DPH1: variants seen among roughly 807,000 people sequenced by gnomAD.
The protein encoded by DPH1 is 2-(3-amino-3-carboxypropyl)histidine synthase subunit 1.
A neutral mutation model predicts 55.3 loss-of-function variants in DPH1; 59 were observed. The ratio of observed to expected loss-of-function variants is 1.07; its 90% CI spans 0.87 to 1.33. DPH1 has a LOEUF of 1.33. Among genes scored for constraint, DPH1 ranks in the 40% most tolerant of loss-of-function variants. DPH1 has a pLI of 0.00. For missense variants in DPH1, 628 were observed against 584.8 expected (o/e 1.07, Z -0.76); for synonymous variants, 238 against 235.5 (o/e 1.01, Z -0.10).
At position 2,043,352 on chromosome 17, in the gene DPH1, G is replaced by A; in HGVS notation, c.*766G>A. 1 of 473,470 alleles carries A rather than the reference G, an allele frequency of 2.1e-6. No homozygotes were observed. The highest frequency in any genetic ancestry group is 3.7e-6 in the Non-Finnish European group (1 of 269,728). The allele number at this position is 473,470 out of a possible 1,614,324, so 29.3% of individuals were successfully genotyped here. On this transcript the variant is annotated 3_prime_UTR_variant, in exon 13 of 13. Transcript: ENST00000263083. ...ACATGAATATGGTTGGAGAGCCCTG[G>A]ATTAGGAGGGTGACATGGGGAAGGC...
intron 7 of DPH1, 21 bp from the exon 8 acceptor site, chr17:2,040,197 C>T (rs770015942): frequency 6.2e-7 from 1 of 1,612,782 alleles, no homozygotes; most frequent in South Asian, 1.1e-5. Context: ...GCCACAGTGA[C>T]CCTGACTGCT....
intron 10 of DPH1, 103 bp from the exon 11 acceptor site, chr17:2,041,378 G>A (rs2067520054): frequency 6.6e-7 from 1 of 1,511,992 alleles, no homozygotes; most frequent in Non-Finnish European, 8.9e-7. Context: ...TTCTGTGGCA[G>A]GGGACAGTGT....
intron 12 of DPH1, 54 bp downstream of exon 12, chr17:2,041,929 C>A: frequency 6.5e-7 from 1 of 1,533,794 alleles, no homozygotes; most frequent in Non-Finnish European, 8.7e-7. Context: ...CATGGGAACG[C>A]CTTGGCGCTC....
chr17:2,041,237 TCTGGA>T lies in DPH1; in HGVS notation c.1086+57_1086+61del. On this transcript the variant is annotated intron_variant, in intron 10 of 12. Transcript: ENST00000263083. ...TTGGACGTGGTTCTCAAAGGTGAGGTCTGGAGTGGAGTGGGGTGGGTGGGCAGCAC... is the reference window on the plus strand; with the variant it reads ...TTGGACGTGGTTCTCAAAGGTGAGGTGTGGAGTGGGGTGGGTGGGCAGCAC... 7.1e-6 allele frequency: 11 copies of T among 1,559,988 alleles called. No individual in the cohort carries two copies. In the South Asian group the frequency reaches 1.3e-4, roughly 18 times the overall value.
chr17:2,042,550 C>A, intron 12 of DPH1, 55 bp from the exon 13 acceptor site: 5 of 1,482,546 alleles, frequency 3.4e-6, no homozygotes, highest in East Asian at 2.4e-5. Flanking sequence ...TCATTTCTTT[C>A]CTTCCTGGAG....
rs148486676 is a variant in DPH1 at position 2,038,565 on chromosome 17, T to G, written c.681-1190T>G. ...CAGATCCGCCGCGGCATTAGATTCTTGTAGGAGCTCAAACCCTATCGTGAC... is the reference window on the plus strand; with the variant it reads ...CAGATCCGCCGCGGCATTAGATTCTGGTAGGAGCTCAAACCCTATCGTGAC... On this transcript the variant is annotated intron_variant, in intron 6 of 12. Coordinates refer to ENST00000263083, the MANE Select transcript of DPH1 (RefSeq NM_001383.6). Among the ~76,000 whole-genome samples the G allele has an allele frequency of 7.2e-5, 11 of 152,248 alleles. No individual in the cohort carries two copies. In the East Asian group the frequency reaches 2.1e-3, roughly 29 times the overall value.
In DPH1 at chr17:2,036,049, C is replaced by G; in HGVS notation, c.358C>G (p.Leu120Val). ...CCVDDFTARA[L>V]GADFLVHYGH... ...TGTGGATGACTTCACAGCGAGGGCCCTGGGAGCTGACTTCTTGGTGCACTA... is the reference window on the plus strand; with the variant it reads ...TGTGGATGACTTCACAGCGAGGGCCGTGGGAGCTGACTTCTTGGTGCACTA... The change falls in exon 4 of 13, where the codon CTG becomes GTG. Residue 120 changes from leucine (L) to valine (V), a missense_variant. Coordinates refer to ENST00000263083, the MANE Select transcript of DPH1 (RefSeq NM_001383.6). The surrounding 1 kb of genome is among the most constrained non-coding windows in gnomAD (Gnocchi z 4.8). 6.2e-7 allele frequency: 1 copy of G among 1,613,980 alleles called. No individual in the cohort carries two copies. The highest frequency in any genetic ancestry group is 8.5e-7 in the Non-Finnish European group (1 of 1,179,928).
intron 12 of DPH1, 165 bp from the exon 13 acceptor site, chr17:2,042,440 C>G: frequency 7.9e-7 from 1 of 1,270,494 alleles, no homozygotes; most frequent in South Asian, 1.8e-5. Flanking sequence ...CCGCTGTCTC[C>G]TGTTCAGGCC....
rs2151347006 is a variant in DPH1, at chr17:2,036,164, T to C, written c.400+73T>C. 1 of 1,582,084 alleles carries C rather than the reference T, an allele frequency of 6.3e-7. No homozygotes were observed. Among genetic ancestry groups the C allele is most frequent in the Non-Finnish European group, 8.6e-7 (1 of 1,163,622 alleles). On this transcript the variant is annotated intron_variant, in intron 4 of 12. Transcript: ENST00000263083. The surrounding 1 kb of genome is among the most constrained non-coding windows in gnomAD (Gnocchi z 4.8). ...GCAGGCTGCACATTCATCTTCCCCA[T>C]GGCAGTGCCTTCTTGTCCTGCTTGG... is the stretch of plus-strand genomic sequence containing the variant.
rs1468988719 is a variant in DPH1, at chr17:2,035,869, G to A, written c.279-101G>A. 1.0e-5 allele frequency: 16 copies of A among 1,540,550 alleles called. No individual in the cohort carries two copies. In the African/African-American group the frequency reaches 1.8e-4, roughly 17 times the overall value. Reference sequence around the variant, plus strand: ...CATCCCGAGGAACTGGGAGAGGTAGGGAGAGAGGAGCTGGGCCCTGAGACA... The same window carrying A: ...CATCCCGAGGAACTGGGAGAGGTAGAGAGAGAGGAGCTGGGCCCTGAGACA... On this transcript the variant is annotated intron_variant, in intron 3 of 12. Transcript: ENST00000263083.
chr17:2,033,655 A>C lies in DPH1; in HGVS notation c.212A>C (p.Lys71Thr), dbSNP rs1422329131. The C allele has an allele frequency of 6.2e-7, 1 of 1,614,008 alleles. No homozygotes were observed. The highest frequency in any genetic ancestry group is 1.3e-5 in the African/African-American group (1 of 75,066). ...AGGATCCAACAAGCCCAGGCCAAGA[A>C]GGGTGAGCCTGTGATCATTGAGCTG... ...IWRIQQAQAK[K>T]VALQMPEGLL... Residue 71 changes from lysine (K) to threonine (T), a missense_variant and splice_region_variant, in exon 2 of 13, where the codon AAG becomes ACG. Physicochemically the swap from Lys to Thr is moderately conservative, Grantham distance 78. Coordinates refer to ENST00000263083, the MANE Select transcript of DPH1 (RefSeq NM_001383.6).
Position 2,036,357 on chromosome 17 carries a change from A to C in DPH1, c.401-172A>C. On this transcript the variant is annotated intron_variant, in intron 4 of 12. Transcript: ENST00000263083. This position sits in a 1 kb window ranked among gnomAD's most constrained non-coding sequence, Gnocchi z 4.8. ...CTGGGCCCCGGCCGGGTGACAGAGAAGTCTGATTGAGAAGGAGCTTCTAGG... is the reference window on the plus strand; with the variant it reads ...CTGGGCCCCGGCCGGGTGACAGAGACGTCTGATTGAGAAGGAGCTTCTAGG... 9.4e-7 allele frequency: 1 copy of C among 1,064,390 alleles called. No homozygotes were observed. The highest frequency in any genetic ancestry group is 1.3e-6 in the Non-Finnish European group (1 of 743,770). The allele number at this position is 1,064,390 out of a possible 1,614,324, so 65.9% of individuals were successfully genotyped here.
chr17:2,040,096 G>C lies in DPH1; in HGVS notation c.750-122G>C, dbSNP rs112763188. 2.1e-5 allele frequency: 29 copies of C among 1,397,572 alleles called. 2 individuals carry two copies. In the African/African-American group the frequency reaches 3.7e-4, roughly 18 times the overall value. The allele number at this position is 1,397,572 out of a possible 1,614,324, so 86.6% of individuals were successfully genotyped here. ...AATGACAGTCCCCGCTCTTGCCTCTGTTCTTAATTACCTGCGTGGGGCCTA... is the reference window on the plus strand; with the variant it reads ...AATGACAGTCCCCGCTCTTGCCTCTCTTCTTAATTACCTGCGTGGGGCCTA... On this transcript the variant is annotated intron_variant, in intron 7 of 12. Transcript: ENST00000263083.
rs1224502617 is a variant in DPH1 at position 2,040,308 on chromosome 17, C to T, written c.840C>T (p.Arg280=). ...GCCAAGAAGCCATAGCCACTGCCCGCTCAGCTAAGTCCTGGGGCCTTATTC... is the reference window on the plus strand; with the variant it reads ...GCCAAGAAGCCATAGCCACTGCCCGTTCAGCTAAGTCCTGGGGCCTTATTC... ...AARQEAIATA[R]SAKSWGLILG... is the part of the protein sequence containing the mutation. Residue 280 remains arginine (R), a synonymous_variant, in exon 8 of 13, where the codon CGC becomes CGT. Transcript: ENST00000263083. 3.7e-6 allele frequency: 6 copies of T among 1,614,010 alleles called. No homozygotes were observed. The highest frequency in any genetic ancestry group is 5.1e-6 in the Non-Finnish European group (6 of 1,180,056).
At chr17:2,035,947 G>T in intron 3 of DPH1, 23 bp from the exon 4 acceptor site, 1 of 1,613,472 alleles carries the variant, frequency 6.2e-7, no homozygotes, top group South Asian at 1.1e-5. Context: ...CTGTCCCACC[G>T]TTCCCCGCCC....
In DPH1 at chr17:2,035,992, G is replaced by A. The variant is rs780933620; in HGVS notation, c.301G>A (p.Val101Met). The A allele has an allele frequency of 1.9e-6, 3 of 1,613,978 alleles. No individual in the cohort carries two copies. Among genetic ancestry groups the A allele is most frequent in the East Asian group, 4.5e-5 (2 of 44,878 alleles). ...CAGGTTCACGGAGGCCGAAGTGATG[G>A]TGATGGGTGACGTGACCTACGGGGC... ...LERFTEAEVM[V>M]MGDVTYGACC... Residue 101 changes from valine (V) to methionine (M), a missense_variant, in exon 4 of 13, where the codon GTG becomes ATG. Physicochemically the swap from Val to Met is conservative, Grantham distance 21. Coordinates refer to ENST00000263083, the MANE Select transcript of DPH1 (RefSeq NM_001383.6).
intron 3 of DPH1, among the ~76,000 whole-genome samples, 194 bp from the exon 4 acceptor site, chr17:2,035,776 C>T (rs549403549): frequency 6.6e-6 from 1 of 152,024 alleles, no homozygotes; most frequent in Non-Finnish European, 1.5e-5. Context: ...GTTCCAGGAG[C>T]GGCTGCCAGG....
chr17:2,030,300 C>A (rs901107269), intron 1 of DPH1, 70 bp downstream of exon 1: 1 of 1,465,660 alleles, frequency 6.8e-7, no homozygotes, highest in Non-Finnish European at 9.1e-7. Flanking sequence ...AGGGACAGGA[C>A]CAACCCCCTT....
chr17:2,042,133 T>C (rs748130733), intron 12 of DPH1: 7 of 1,551,424 alleles, frequency 4.5e-6, no homozygotes, highest in African/African-American at 1.4e-5. Flanking sequence ...ACCGGGGCGC[T>C]GAGGAAGGCG....
Sources: gnomAD v4.1 joint callset for allele counts (sites outside exome capture counted in the v4.1 genomes callset) on GRCh38, gnomAD v4.1.1 for gene constraint, Gnocchi (gnomAD v3.1) non-coding constraint, MANE v1.5 for transcripts, NCBI Gene and HGNC (gene_info 2026-07-23, HGNC 2026-07-21) for gene names.